Variants in NLGN1 observed in about 807,000 individuals in gnomAD.
NLGN1 encodes the protein neuroligin 1.
NLGN1 carries 12 observed loss-of-function variants against 65.5 expected under a neutral mutation model. That is an observed-to-expected ratio of 0.18 (90% CI 0.12 to 0.30). The LOEUF (loss-of-function observed/expected upper bound fraction) is 0.30. NLGN1 is among the 10% of genes least tolerant of loss of function. The pLI is 1.00. For missense variants in NLGN1, 750 were observed against 1,007.1 expected (o/e 0.74, Z 3.46); for synonymous variants, 350 against 359.5 (o/e 0.97, Z 0.30).
chr3:174,228,138 A>G (rs1318015209), intron 4 of NLGN1, among the ~76,000 whole-genome samples: 1 of 151,946 alleles, frequency 6.6e-6, no homozygotes, highest in Non-Finnish European at 1.5e-5. Context: ...TCAGTTAATT[A>G]TGTAGGTATT....
At chr3:174,062,215 A>G (rs1737569458) in intron 4 of NLGN1, among the ~76,000 whole-genome samples, 1 of 152,108 alleles carries the variant, frequency 6.6e-6, no homozygotes, top group South Asian at 2.1e-4. Context: ...ACTTTTAAGA[A>G]AGCTTTTGAA....
At position 174,263,539 on chromosome 3, in the gene NLGN1, G is replaced by T. The variant is rs564939816; in HGVS notation, c.647-11776G>T. On this transcript the variant is annotated intron_variant, in intron 4 of 6. Coordinates refer to ENST00000457714, the Ensembl canonical transcript of NLGN1. ...TTTTTTGTTTTCCATTTGCTTGGTA[G>T]ATCTTCCTCCATCCTTTTATATTGA... Among the ~76,000 whole-genome samples the T allele has an allele frequency of 2.4e-3, 367 of 151,592 alleles. 5 individuals carry two copies. Among genetic ancestry groups the T allele is most frequent in the African/African-American group, 8.0e-3 (329 of 41,318 alleles).
At chr3:174,274,284 A>G (rs1334330583) in intron 4 of NLGN1, among the ~76,000 whole-genome samples, 1 of 149,384 alleles carries the variant, frequency 6.7e-6, no homozygotes, top group African/African-American at 2.4e-5. Flanking sequence ...TGTTTGTTTT[A>G]CAAGTTATAA....
intron 4 of NLGN1, among the ~76,000 whole-genome samples, chr3:174,147,813 T>C (rs1723625360): frequency 6.6e-6 from 1 of 152,106 alleles, no homozygotes; most frequent in South Asian, 2.1e-4. Context: ...AATTAGATTA[T>C]TGTGAATAAG....
intron 5 of NLGN1, among the ~76,000 whole-genome samples, chr3:174,277,569 C>T (rs1254561424): frequency 1.3e-5 from 2 of 151,800 alleles, no homozygotes; most frequent in African/African-American, 4.8e-5. Context: ...TGTTGATAAA[C>T]AGCTACATAA....
At chr3:173,511,759 T>C (rs917980821) in intron 2 of NLGN1, among the ~76,000 whole-genome samples, 1 of 152,194 alleles carries the variant, frequency 6.6e-6, no homozygotes, top group South Asian at 2.1e-4. Context: ...TCCACTCTAC[T>C]ATGAGTTTAC....
At chr3:173,457,505 C>A (rs1384076930) in intron 2 of NLGN1, among the ~76,000 whole-genome samples, 1 of 151,934 alleles carries the variant, frequency 6.6e-6, no homozygotes, top group African/African-American at 2.4e-5. Context: ...AGAGGCCATG[C>A]CAAAGAATTT....
intron 2 of NLGN1, among the ~76,000 whole-genome samples, chr3:173,573,669 A>AT (rs1745007688): frequency 2.0e-5 from 3 of 151,308 alleles, no homozygotes; most frequent in Admixed American, 6.6e-5. Context: ...TATTATTATT[A>AT]TTTTTTCTGT....
intron 4 of NLGN1, among the ~76,000 whole-genome samples, chr3:173,952,854 T>C (rs1302971433): frequency 6.6e-6 from 1 of 151,480 alleles, no homozygotes; most frequent in Non-Finnish European, 1.5e-5. Context: ...CTCAGCTCAC[T>C]GCAACCTCCA....
At chr3:174,020,360 G>A (rs1225955086) in intron 4 of NLGN1, among the ~76,000 whole-genome samples, 1 of 151,748 alleles carries the variant, frequency 6.6e-6, no homozygotes. Flanking sequence ...TTTTTTTCCT[G>A]CCAAAAATTG....
At chr3:174,228,348 C>T (rs898797825) in intron 4 of NLGN1, among the ~76,000 whole-genome samples, 7 of 152,086 alleles carry the variant, frequency 4.6e-5, no homozygotes, top group Admixed American at 4.6e-4. Flanking sequence ...AAATGGCATG[C>T]AACTTCACAT....
intron 4 of NLGN1, among the ~76,000 whole-genome samples, chr3:174,266,229 C>A (rs920138665): frequency 3.9e-5 from 6 of 151,942 alleles, no homozygotes; most frequent in African/African-American, 1.5e-4. Context: ...CTGAAGTAGG[C>A]CCTGGTGTCT....
intron 1 of NLGN1, among the ~76,000 whole-genome samples, chr3:173,400,486 C>A (rs1717470207): frequency 6.6e-6 from 1 of 152,102 alleles, no homozygotes; most frequent in South Asian, 2.1e-4. Flanking sequence ...CACTACATAC[C>A]ATTTTAGGAT....
chr3:173,578,009 G>T (rs1745790934), intron 2 of NLGN1, among the ~76,000 whole-genome samples: 1 of 152,140 alleles, frequency 6.6e-6, no homozygotes, highest in Non-Finnish European at 1.5e-5. Context: ...GGCTGAGGCA[G>T]GTGGATCACG....
chr3:173,759,625 G>A (rs753457971), intron 3 of NLGN1, among the ~76,000 whole-genome samples: 1 of 151,842 alleles, frequency 6.6e-6, no homozygotes, highest in Non-Finnish European at 1.5e-5. Flanking sequence ...GAGGCAAAAA[G>A]CCCTATTGCG....
Position 174,280,273 on chromosome 3 carries a change from G to C in NLGN1, c.1650-208G>C, listed in dbSNP as rs1577794216. On this transcript the variant is annotated intron_variant, in intron 6 of 6. Coordinates refer to ENST00000457714, the Ensembl canonical transcript of NLGN1. This position sits in a 1 kb window ranked among gnomAD's most constrained non-coding sequence, Gnocchi z 4.9. The stretch of plus-strand genomic sequence containing the variant: ...ATCTCAGGATAAGCAGAGAGAACAA[G>C]AATGTGAGACTTACTTGCCTTCCAT... 6.6e-6 allele frequency among the ~76,000 whole-genome samples: 1 copy of C among 151,928 alleles called. No homozygotes were observed. Among genetic ancestry groups the C allele is most frequent in the East Asian group, 1.9e-4 (1 of 5,136 alleles).
intron 4 of NLGN1, among the ~76,000 whole-genome samples, chr3:174,050,933 C>T (rs1403233599): frequency 3.3e-5 from 5 of 151,936 alleles, no homozygotes; most frequent in African/African-American, 9.7e-5. Flanking sequence ...GAGAAGAGAA[C>T]GCTGGGCTGA....
exon 7 of NLGN1, chr3:174,281,438 T>C (rs1216752447): frequency 1.2e-5 from 8 of 640,694 alleles, no homozygotes; most frequent in South Asian, 2.2e-5. Context: ...TCAAGAACTT[T>C]GGGGGTTTTG....
chr3:173,559,187 G>C (rs1044710082), intron 2 of NLGN1, among the ~76,000 whole-genome samples: 1 of 152,158 alleles, frequency 6.6e-6, no homozygotes, highest in Non-Finnish European at 1.5e-5. Flanking sequence ...GGAATACACT[G>C]TGATTTCTCT....
Sources: gnomAD v4.1 joint callset for allele counts (sites outside exome capture counted in the v4.1 genomes callset) on GRCh38, gnomAD v4.1.1 for gene constraint, Gnocchi (gnomAD v3.1) non-coding constraint, MANE v1.5 for transcripts, NCBI Gene and HGNC (gene_info 2026-07-23, HGNC 2026-07-21) for gene names.